DYM: variants seen among roughly 807,000 people sequenced by gnomAD.
DYM encodes the protein dymeclin.
In DYM, 78 loss-of-function variants were observed where a neutral mutation model predicts 93.1. That is an observed-to-expected ratio of 0.84 (90% confidence interval 0.70 to 1.01). The LOEUF (loss-of-function observed/expected upper bound fraction) is 1.01. Ranked by LOEUF, DYM falls within the 50% of genes least tolerant of loss-of-function variation. The pLI, the probability that DYM is intolerant of heterozygous loss-of-function variation, is 0.00. For missense variants in DYM, 789 were observed against 845.0 expected (o/e 0.93, Z 0.82); for synonymous variants, 321 against 319.7 (o/e 1.00, Z -0.04).
chr18:49,136,110 C>T (rs1385252832), intron 15 of DYM, among the ~76,000 whole-genome samples: 1 of 152,272 alleles, frequency 6.6e-6, no homozygotes, highest in Admixed American at 6.5e-5. Context: ...GCCATGGAAA[C>T]TCCCTGTGGC....
At position 49,220,323 on chromosome 18, in the gene DYM, T is replaced by C. The variant is rs552959370; in HGVS notation, c.1461-10608A>G. On this transcript the variant is annotated intron_variant, in intron 13 of 17. Transcript: ENST00000675505. ...AGAATCAATATCGTGAAAATGGCCA[T>C]ACTGCCCAAGGTAATTTACAGATTC... Among the ~76,000 whole-genome samples, 10 of 148,390 alleles carry C rather than the reference T, an allele frequency of 6.7e-5. 1 individual carries two copies. The highest frequency in any genetic ancestry group is 2.5e-4 in the African/African-American group (10 of 40,450).
At chr18:49,443,659 C>T (rs1437730780) in intron 1 of DYM, among the ~76,000 whole-genome samples, 1 of 152,194 alleles carries the variant, frequency 6.6e-6, no homozygotes, top group Admixed American at 6.5e-5. Flanking sequence ...ACAGCATTCA[C>T]TCCCAACTCA....
chr18:49,423,413 AT>A (rs2073937592), intron 2 of DYM, among the ~76,000 whole-genome samples: 1 of 152,244 alleles, frequency 6.6e-6, no homozygotes, highest in Non-Finnish European at 1.5e-5. Flanking sequence ...AGGGAAATTT[AT>A]AGCACTAAAT....
intron 16 of DYM, among the ~76,000 whole-genome samples, chr18:49,098,542 T>C (rs987059403): frequency 2.0e-5 from 3 of 152,242 alleles, no homozygotes; most frequent in Non-Finnish European, 4.4e-5. Context: ...AACAAGCATG[T>C]GCCTCACAAT....
At chr18:49,430,883 CAAA>C (rs11288242) in intron 1 of DYM, among the ~76,000 whole-genome samples, 33 of 129,280 alleles carry the variant, frequency 2.6e-4, no homozygotes, top group Middle Eastern at 3.8e-3. Flanking sequence ...GACTCCATCT[CAAA>C]AAAAAAAAAA....
At position 49,039,188 on chromosome 18, in the gene DYM, T is replaced by C. The variant is rs533233784; in HGVS notation, c.*4867A>G. The stretch of plus-strand genomic sequence containing the variant: ...GGATATTTTCCCTGATTAGAAATTT[T>C]TAGGTTGGCAGTCATTTTCTTTCAG... On this transcript the variant is annotated 3_prime_UTR_variant, in exon 18 of 18. Coordinates refer to ENST00000675505, the MANE Select transcript of DYM (RefSeq NM_001353214.3). Among the ~76,000 whole-genome samples the C allele has an allele frequency of 7.3e-4, 111 of 152,358 alleles. 2 individuals carry two copies. Among genetic ancestry groups the C allele is most frequent in the African/African-American group, 2.6e-3 (110 of 41,586 alleles).
At chr18:49,257,172 T>C (rs967619135) in intron 12 of DYM, 68 bp from the exon 13 acceptor site, 3 of 1,220,670 alleles carry the variant, frequency 2.5e-6, no homozygotes, top group African/African-American at 3.0e-5. Flanking sequence ...AGGTTAACTA[T>C]TAATAGAAGC....
At chr18:49,435,202 C>T (rs2080723367) in intron 1 of DYM, among the ~76,000 whole-genome samples, 1 of 95,728 alleles carries the variant, frequency 1.0e-5, no homozygotes, top group Non-Finnish European at 2.0e-5. Context: ...ACCATGACTC[C>T]ATCTCAAAAA....
At chr18:49,057,646 A>G (rs2075615257) in intron 17 of DYM, among the ~76,000 whole-genome samples, 1 of 152,246 alleles carries the variant, frequency 6.6e-6, no homozygotes, top group Non-Finnish European at 1.5e-5. Context: ...GCTGGAAGGC[A>G]GAAGAGCAGT....
Position 49,285,390 on chromosome 18 carries a change from G to A in DYM, c.946+1044C>T, listed in dbSNP as rs79059482. 9.9e-3 allele frequency among the ~76,000 whole-genome samples: 1,502 copies of A among 152,284 alleles called. 41 individuals carry two copies. Among genetic ancestry groups the A allele is most frequent in the South Asian group, 0.075 (361 of 4,822 alleles). On this transcript the variant is annotated intron_variant, in intron 9 of 17. Transcript: ENST00000675505. The stretch of plus-strand genomic sequence containing the variant: ...CTTCCCACCCATCTTCATTACATTA[G>A]TGTTCAAAATGTCTTGAGCATCTGG...
chr18:49,105,835 G>T (rs1194683015), intron 16 of DYM, among the ~76,000 whole-genome samples: 1 of 152,204 alleles, frequency 6.6e-6, no homozygotes, highest in Non-Finnish European at 1.5e-5. Context: ...CAAGTAAGTG[G>T]TCAATTTTGG....
At chr18:49,383,001 T>G (rs1038955505) in intron 3 of DYM, among the ~76,000 whole-genome samples, 14 of 151,834 alleles carry the variant, frequency 9.2e-5, no homozygotes, top group Non-Finnish European at 1.5e-4. Context: ...GTAGAGAAAA[T>G]ACAGAGGAGA....
chr18:49,146,974 C>T (rs2085227444), intron 15 of DYM, among the ~76,000 whole-genome samples: 1 of 152,186 alleles, frequency 6.6e-6, no homozygotes, highest in Non-Finnish European at 1.5e-5. Flanking sequence ...ACCAAAACAG[C>T]ATGGTACTGG....
At position 49,222,589 on chromosome 18, in the gene DYM, C is replaced by T. The variant is rs183939252; in HGVS notation, c.1461-12874G>A. Among the ~76,000 whole-genome samples the T allele has an allele frequency of 5.9e-4, 90 of 152,060 alleles. 1 individual carries two copies. Among genetic ancestry groups the T allele is most frequent in the South Asian group, 4.2e-3 (20 of 4,814 alleles). ...GAAACCAAAAAGAATAACTGCTCTGCGACTGATCAAAAACATACAATCTAT... is the reference window on the plus strand; with the variant it reads ...GAAACCAAAAAGAATAACTGCTCTGTGACTGATCAAAAACATACAATCTAT... On this transcript the variant is annotated intron_variant, in intron 13 of 17. Transcript: ENST00000675505.
intron 13 of DYM, among the ~76,000 whole-genome samples, chr18:49,245,314 G>A (rs180825296): frequency 3.2e-4 from 49 of 152,306 alleles, no homozygotes; most frequent in African/African-American, 1.1e-3. Flanking sequence ...CAGGGAACAA[G>A]GAAAGATAAC....
chr18:49,276,693 T>C (rs934561725), intron 10 of DYM, among the ~76,000 whole-genome samples: 1 of 152,130 alleles, frequency 6.6e-6, no homozygotes, highest in Non-Finnish European at 1.5e-5. Context: ...GTGGCAAAAT[T>C]ATAAAGTGTC....
At chr18:49,110,559 A>G (rs1181916127) in intron 16 of DYM, among the ~76,000 whole-genome samples, 1 of 152,156 alleles carries the variant, frequency 6.6e-6, no homozygotes, top group Non-Finnish European at 1.5e-5. Flanking sequence ...GGTTCTGCCA[A>G]GTAAACTGCT....
At chr18:49,169,923 G>A (rs1381937859) in intron 14 of DYM, among the ~76,000 whole-genome samples, 2 of 152,176 alleles carry the variant, frequency 1.3e-5, no homozygotes, top group East Asian at 1.9e-4. Flanking sequence ...AAGCAAATGG[G>A]AGCTATGTGG....
intron 11 of DYM, among the ~76,000 whole-genome samples, chr18:49,259,718 A>G (rs746737270): frequency 5.3e-5 from 8 of 152,242 alleles, no homozygotes; most frequent in Non-Finnish European, 1.0e-4. Flanking sequence ...ATGTTTACAC[A>G]TGAAATTATA....
Sources: allele counts gnomAD v4.1 joint callset (sites outside exome capture counted in the v4.1 genomes callset), GRCh38; gene constraint gnomAD v4.1.1; transcripts MANE v1.5; gene names NCBI Gene and HGNC (gene_info 2026-07-23, HGNC 2026-07-21).